Variants in PLCG2 observed in about 807,000 individuals in gnomAD.
PLCG2 encodes 1-phosphatidylinositol 4,5-bisphosphate phosphodiesterase gamma-2.
A neutral mutation model predicts 175.6 loss-of-function variants in PLCG2; 69 were observed. The observed-to-expected ratio is 0.39, with a 90% CI of 0.32 to 0.48. PLCG2 has a LOEUF of 0.48. Ranked by LOEUF, PLCG2 falls within the 20% of genes least tolerant of loss-of-function variation. The pLI, the probability that PLCG2 is intolerant of heterozygous loss-of-function variation, is 0.91. For synonymous variants in PLCG2, 827 were observed against 624.0 expected (o/e 1.33, Z -4.85); for missense variants, 1,798 against 1,650.9 (o/e 1.09, Z -1.54).
chr16:81,950,258 G>C (rs1381336893), intron 31 of PLCG2, among the ~76,000 whole-genome samples: 1 of 152,186 alleles, frequency 6.6e-6, no homozygotes, highest in African/African-American at 2.4e-5. Flanking sequence ...GGATGGAAGA[G>C]TTACTGGGAA....
At chr16:81,798,534 A>T (rs1197558283) in intron 2 of PLCG2, 1 of 152,228 alleles carries the variant, frequency 6.6e-6, no homozygotes, top group African/African-American at 2.4e-5. Context: ...AACAGTGATG[A>T]TACCACATCA....
intron 30 of PLCG2, among the ~76,000 whole-genome samples, chr16:81,941,162 A>G (rs746927612): frequency 1.7e-4 from 26 of 152,154 alleles, no homozygotes; most frequent in Admixed American, 2.6e-4. Context: ...CTTTTTTTGT[A>G]TAATATCATA....
intron 24 of PLCG2, among the ~76,000 whole-genome samples, chr16:81,929,289 G>T (rs758294233): frequency 6.6e-5 from 10 of 152,232 alleles, no homozygotes; most frequent in Non-Finnish European, 1.3e-4. Flanking sequence ...GGCAGCCCAT[G>T]ACCCTCCCTG....
At chr16:81,861,610 G>C (rs4889416) in intron 5 of PLCG2, among the ~76,000 whole-genome samples, 127,662 of 152,154 alleles carry the variant, frequency 0.84, 53,708 homozygotes, top group Non-Finnish European at 0.87. Context: ...CAAATGAGGT[G>C]CTTGTGTTGG....
chr16:81,919,914 A>G (rs1221145441), intron 20 of PLCG2, among the ~76,000 whole-genome samples: 2 of 152,204 alleles, frequency 1.3e-5, no homozygotes, highest in Non-Finnish European at 2.9e-5. Flanking sequence ...CTATGGAGAA[A>G]AACACTGGGC....
chr16:81,864,941 C>G (rs1160782559), intron 5 of PLCG2, among the ~76,000 whole-genome samples: 6 of 152,144 alleles, frequency 3.9e-5, no homozygotes, highest in African/African-American at 1.4e-4. Flanking sequence ...AAAGGGATTC[C>G]CTTGTTTCCT....
chr16:81,837,328 G>A (rs1905572399), intron 2 of PLCG2, among the ~76,000 whole-genome samples: 1 of 152,240 alleles, frequency 6.6e-6, no homozygotes. Flanking sequence ...GGTCCCAGCT[G>A]GCTTCTATAG....
intron 2 of PLCG2, among the ~76,000 whole-genome samples, chr16:81,830,426 C>T (rs913700133): frequency 2.6e-5 from 4 of 152,116 alleles, no homozygotes; most frequent in Admixed American, 2.6e-4. Flanking sequence ...TGTGCCTCAG[C>T]CTTCCAAGTA....
At chr16:81,874,949 T>G (rs1239227028) in intron 7 of PLCG2, among the ~76,000 whole-genome samples, 1 of 56,440 alleles carries the variant, frequency 1.8e-5, no homozygotes, top group Non-Finnish European at 3.3e-5. Context: ...ATCCTATGTG[T>G]TTTTTTTTTT....
intron 31 of PLCG2, among the ~76,000 whole-genome samples, chr16:81,949,731 A>G (rs1228221834): frequency 6.6e-6 from 1 of 152,234 alleles, no homozygotes; most frequent in Admixed American, 6.5e-5. Context: ...AAATTTTGTC[A>G]TGGTAAATAT....
At chr16:81,928,155 G>A (rs188482861) in intron 23 of PLCG2, among the ~76,000 whole-genome samples, 52 of 152,244 alleles carry the variant, frequency 3.4e-4, no homozygotes, top group African/African-American at 1.2e-3. Flanking sequence ...CATAGAGCAT[G>A]GGTGTTGCTT....
intron 29 of PLCG2, 67 bp downstream of exon 29, chr16:81,938,982 C>T (rs544497665): frequency 3.4e-6 from 3 of 872,480 alleles, no homozygotes; most frequent in African/African-American, 3.3e-5. Context: ...TGGGAGTGCT[C>T]TTCGTGGGGG....
intron 25 of PLCG2, among the ~76,000 whole-genome samples, chr16:81,933,737 C>A (rs1185842251): frequency 6.6e-6 from 1 of 152,158 alleles, no homozygotes; most frequent in Non-Finnish European, 1.5e-5. Flanking sequence ...CAAACAGTCA[C>A]CATTATTATC....
At chr16:81,890,975 C>T (rs1276406672) in intron 10 of PLCG2, among the ~76,000 whole-genome samples, 3 of 152,104 alleles carry the variant, frequency 2.0e-5, no homozygotes, top group Non-Finnish European at 2.9e-5. Flanking sequence ...CCAGCCTGGC[C>T]GACATGGTAA....
At chr16:81,910,040 T>G in intron 17 of PLCG2, among the ~76,000 whole-genome samples, 1 of 151,582 alleles carries the variant, frequency 6.6e-6, no homozygotes, top group African/African-American at 2.4e-5. Context: ...AGGTAGAATG[T>G]TCTGGAATCC....
At chr16:81,788,226 A>G (rs1363786465) in intron 2 of PLCG2, among the ~76,000 whole-genome samples, 1 of 152,102 alleles carries the variant, frequency 6.6e-6, no homozygotes, top group Non-Finnish European at 1.5e-5. Context: ...ATTTGTATAT[A>G]TGGGTATATC....
At position 81,931,634 on chromosome 16, in the gene PLCG2, AC is replaced by A; in HGVS notation, c.2721del (p.Trp908GlyfsTer10). 6.2e-7 allele frequency: 1 copy of A among 1,613,860 alleles called. No homozygotes were observed. The highest frequency in any genetic ancestry group is 1.3e-5 in the African/African-American group (1 of 75,042). ...GTGGTTTCAGAGCATCCGAGAGATCACCTGGAAGATTGACACCAAGGTAGGC... is the reference window on the plus strand; with the variant it reads ...GTGGTTTCAGAGCATCCGAGAGATCACTGGAAGATTGACACCAAGGTAGGC... ...FEWFQSIREI[T>X]WKIDTKENNM... On this transcript the variant is annotated frameshift_variant, in exon 25 of 33. Coordinates refer to ENST00000564138, the MANE Select transcript of PLCG2 (RefSeq NM_002661.5). LOFTEE classifies it high-confidence loss of function.
intron 13 of PLCG2, among the ~76,000 whole-genome samples, chr16:81,897,385 A>G (rs1437117238): frequency 1.3e-5 from 2 of 152,204 alleles, no homozygotes; most frequent in Non-Finnish European, 2.9e-5. Context: ...TTCAATTTCC[A>G]TGTTAAAAAA....
chr16:81,771,933 C>T (rs1340961835), intron 2 of PLCG2, among the ~76,000 whole-genome samples: 3 of 152,036 alleles, frequency 2.0e-5, no homozygotes, highest in Admixed American at 6.6e-5. Flanking sequence ...ACAGGCTGTG[C>T]CTCTACGCCT....
Sources: gnomAD v4.1 joint callset for allele counts (sites outside exome capture counted in the v4.1 genomes callset) on GRCh38, gnomAD v4.1.1 for gene constraint, MANE v1.5 for transcripts, NCBI Gene and HGNC (gene_info 2026-07-23, HGNC 2026-07-21) for gene names.